The following SPPL3 variants were observed in gnomAD, a reference collection of about 807,000 sequenced individuals.
The protein encoded by SPPL3 is signal peptide peptidase-like 3.
In SPPL3, 5 loss-of-function variants were observed where a neutral mutation model predicts 42.4. The ratio of observed to expected loss-of-function variants is 0.12; its 90% confidence interval spans 0.06 to 0.25. SPPL3 has a LOEUF of 0.25. Ranked by LOEUF, SPPL3 falls within the 10% of genes least tolerant of loss-of-function variation. The probability of loss-of-function intolerance (pLI) is 1.00; values close to 1 mark genes in which losing one functional copy is unlikely to be tolerated. For missense variants in SPPL3, 235 were observed against 489.0 expected (o/e 0.48, Z 4.90); for synonymous variants, 195 against 181.8 (o/e 1.07, Z -0.58).
chr12:120,791,651 A>C, intron 2 of SPPL3, 94 bp from the exon 3 acceptor site: 1 of 769,434 alleles, frequency 1.3e-6, no homozygotes, highest in Non-Finnish European at 2.2e-6. Context: ...CCAAGGAATT[A>C]GGAAAGAAGG....
chr12:120,891,849 T>C (rs935060374), intron 1 of SPPL3, among the ~76,000 whole-genome samples: 2 of 152,150 alleles, frequency 1.3e-5, no homozygotes, highest in South Asian at 4.1e-4. Flanking sequence ...AATAAACTTG[T>C]ATTTTACTTA....
At chr12:120,826,502 T>C (rs1241217667) in intron 1 of SPPL3, among the ~76,000 whole-genome samples, 1 of 152,062 alleles carries the variant, frequency 6.6e-6, no homozygotes. Context: ...CACCTCCACC[T>C]GGCCTAAAGC....
intron 1 of SPPL3, among the ~76,000 whole-genome samples, chr12:120,827,841 G>A (rs1160610139): frequency 6.6e-6 from 1 of 151,670 alleles, no homozygotes; most frequent in African/African-American, 2.4e-5. Context: ...AGGCTGGAGT[G>A]CAGTGGTGCC....
intron 1 of SPPL3, among the ~76,000 whole-genome samples, chr12:120,821,081 G>A (rs1296910656): frequency 3.9e-5 from 6 of 152,178 alleles, no homozygotes; most frequent in Non-Finnish European, 8.8e-5. Context: ...TCTGCTGACT[G>A]AGCAAATTCA....
chr12:120,821,998 G>A (rs1444976629), intron 1 of SPPL3, among the ~76,000 whole-genome samples: 1 of 150,858 alleles, frequency 6.6e-6, no homozygotes, highest in African/African-American at 2.4e-5. Context: ...CCAGAAAAAA[G>A]AGACAAATAT....
rs117170280 is a variant in SPPL3, at chr12:120,845,351, C to T, written c.24-34465G>A. The T allele has an allele frequency of 3.0e-3, 1,055 of 355,640 alleles. 7 individuals carry two copies. The highest frequency in any genetic ancestry group is 0.017 in the Admixed American group (443 of 25,972). 22.0% of individuals were successfully genotyped at this position (355,640 alleles called of 1,614,324 possible). A position where few individuals can be genotyped will look rare whatever the true frequency, so the allele number is the denominator to read the frequency against. On this transcript the variant is annotated intron_variant, in intron 1 of 10. Transcript: ENST00000353487. Reference sequence around the variant, plus strand: ...ATCCTCATGAACTCCTCGCAGGCCTCAATCATACGCCCTCTGTCAGTGCTG... The same window carrying T: ...ATCCTCATGAACTCCTCGCAGGCCTTAATCATACGCCCTCTGTCAGTGCTG...
At chr12:120,820,073 T>C (rs994448346) in intron 1 of SPPL3, among the ~76,000 whole-genome samples, 4 of 152,152 alleles carry the variant, frequency 2.6e-5, no homozygotes, top group Non-Finnish European at 5.9e-5. Flanking sequence ...TTTCGGGAAT[T>C]GCTGCCTTCT....
chr12:120,785,083 A>C (rs1383442326), intron 3 of SPPL3, among the ~76,000 whole-genome samples: 1 of 152,170 alleles, frequency 6.6e-6, no homozygotes, highest in Non-Finnish European at 1.5e-5. Flanking sequence ...GAGGACAACA[A>C]GTCATAGCTG....
At chr12:120,887,897 C>T (rs1473265711) in intron 1 of SPPL3, among the ~76,000 whole-genome samples, 3 of 152,166 alleles carry the variant, frequency 2.0e-5, no homozygotes, top group African/African-American at 7.2e-5. Context: ...TAGAATCTCA[C>T]ACATTGCTGG....
chr12:120,781,231 T>G (rs987145498), intron 6 of SPPL3, among the ~76,000 whole-genome samples: 1 of 152,188 alleles, frequency 6.6e-6, no homozygotes, highest in Non-Finnish European at 1.5e-5. Context: ...GAAATTCTCA[T>G]ATGCTACAGG....
intron 1 of SPPL3, among the ~76,000 whole-genome samples, chr12:120,814,608 T>A (rs1443652520): frequency 2.0e-5 from 3 of 152,140 alleles, no homozygotes; most frequent in South Asian, 2.1e-4. Context: ...TTAAAAAAAA[T>A]TATGACTAGG....
At chr12:120,878,605 T>C (rs1392370289) in intron 1 of SPPL3, among the ~76,000 whole-genome samples, 2 of 152,220 alleles carry the variant, frequency 1.3e-5, no homozygotes, top group Non-Finnish European at 2.9e-5. Flanking sequence ...TCATTTCCTA[T>C]ATCACAGCTT....
rs147398069 is a variant in SPPL3 at position 120,830,633 on chromosome 12, G to A, written c.24-19747C>T. Reference sequence around the variant, plus strand: ...GGTGTACATGCATATGTTGGGGAGAGCAAGGGTGGTGAGGAATTCAGTTCT... The same window carrying A: ...GGTGTACATGCATATGTTGGGGAGAACAAGGGTGGTGAGGAATTCAGTTCT... On this transcript the variant is annotated intron_variant, in intron 1 of 10. Transcript: ENST00000353487. 2.4e-3 allele frequency among the ~76,000 whole-genome samples: 344 copies of A among 144,936 alleles called. 1 individual carries two copies. The highest frequency in any genetic ancestry group is 8.4e-3 in the African/African-American group (328 of 38,848).
In SPPL3 at chr12:120,805,986, C is replaced by T. The variant is rs186595785; in HGVS notation, c.101+4823G>A. Among the ~76,000 whole-genome samples the T allele has an allele frequency of 4.7e-4, 65 of 139,760 alleles. 1 individual carries two copies. The highest frequency in any genetic ancestry group is 3.8e-3 in the Middle Eastern group (1 of 266). 91.7% of individuals were successfully genotyped at this position (139,760 alleles called of 152,430 possible). On this transcript the variant is annotated intron_variant, in intron 2 of 10. Transcript: ENST00000353487. The stretch of plus-strand genomic sequence containing the variant: ...TGATCTATAGATTCACAATGCCTAT[C>T]GAAATCCCTGCAGGCTTTTTTTTTT...
intron 1 of SPPL3, among the ~76,000 whole-genome samples, chr12:120,835,210 A>G (rs1871570769): frequency 6.6e-6 from 1 of 152,200 alleles, no homozygotes; most frequent in African/African-American, 2.4e-5. Context: ...AAAATCAGTT[A>G]TCACTCAGAA....
intron 1 of SPPL3, among the ~76,000 whole-genome samples, chr12:120,842,086 C>A (rs78062484): frequency 6.6e-6 from 1 of 152,114 alleles, no homozygotes; most frequent in African/African-American, 2.4e-5. Flanking sequence ...TTTTAGATCA[C>A]CAATACAGAC....
At chr12:120,830,258 C>T (rs1481910999) in intron 1 of SPPL3, among the ~76,000 whole-genome samples, 1 of 65,670 alleles carries the variant, frequency 1.5e-5, no homozygotes, top group Non-Finnish European at 3.0e-5. Context: ...GAATGAAACA[C>T]CATCAGCTGA....
chr12:120,768,956 A>G lies in SPPL3; in HGVS notation c.606T>C (p.Phe202=). The G allele has an allele frequency of 1.9e-6, 3 of 1,607,960 alleles. No homozygotes were observed. ...CTCCAAGGACATAAACGCTTACCCA[A>G]AAGACATCATAGATGAGAAGCCCTG... ...LLSGLLIYDV[F]WVFFSAYIFN... Residue 202 remains phenylalanine (F), a synonymous_variant, in exon 7 of 11, where the codon TTT becomes TTC. Transcript: ENST00000353487.
intron 1 of SPPL3, among the ~76,000 whole-genome samples, chr12:120,877,797 AG>A (rs869302190): frequency 8.5e-5 from 12 of 140,430 alleles, no homozygotes; most frequent in East Asian, 3.9e-4. Context: ...AAAAAAAGAA[AG>A]AAAGAAAGAA....
Sources: allele counts gnomAD v4.1 joint callset (sites outside exome capture counted in the v4.1 genomes callset), GRCh38; gene constraint gnomAD v4.1.1; transcripts MANE v1.5; gene names NCBI Gene and HGNC (gene_info 2026-07-23, HGNC 2026-07-21).